The following SLC9A9 variants were observed in gnomAD, a reference collection of about 807,000 sequenced individuals.
SLC9A9 encodes solute carrier family 9 member A9, also known as sodium/hydrogen exchanger 9.
SLC9A9 carries 62 observed loss-of-function variants against 77.8 expected under a neutral mutation model. The ratio of observed to expected loss-of-function variants is 0.80; its 90% confidence interval spans 0.65 to 0.98. The LOEUF is 0.98. SLC9A9 is among the 50% of genes least tolerant of loss of function. The pLI is 0.00. For missense variants in SLC9A9, 775 were observed against 774.9 expected (o/e 1.00, Z 0.00); for synonymous variants, 320 against 283.5 (o/e 1.13, Z -1.29).
chr3:143,767,492 G>A (rs77532516), intron 4 of SLC9A9, among the ~76,000 whole-genome samples: 4 of 151,556 alleles, frequency 2.6e-5, no homozygotes, highest in Non-Finnish European at 4.4e-5. Flanking sequence ...CAAATGTCTT[G>A]TTAACCTCAA....
chr3:143,363,361 T>C (rs2032806075), intron 14 of SLC9A9, 123 bp downstream of exon 14: 1 of 872,584 alleles, frequency 1.1e-6, no homozygotes, highest in African/African-American at 1.7e-5. Flanking sequence ...TAAGTTTGGC[T>C]GTGAATTCAC....
chr3:143,552,168 T>A (rs2036899822), intron 9 of SLC9A9, among the ~76,000 whole-genome samples, 194 bp downstream of exon 9: 1 of 152,168 alleles, frequency 6.6e-6, no homozygotes, highest in South Asian at 2.1e-4. Flanking sequence ...TATAACTATA[T>A]TTTTGCTTAC....
chr3:143,268,858 G>A lies in SLC9A9; in HGVS notation c.1710+17C>T. The A allele has an allele frequency of 1.9e-6, 3 of 1,591,212 alleles. No homozygotes were observed. The highest frequency in any genetic ancestry group is 1.7e-4 in the Middle Eastern group (1 of 6,000). ...CAAGGGATATTCCCTCACCCTAGAG[G>A]CCTGAGATTTACTTACCCCATAGGC... On this transcript the variant is annotated intron_variant, in intron 15 of 15. Coordinates refer to ENST00000316549, the MANE Select transcript of SLC9A9 (RefSeq NM_173653.4).
chr3:143,629,365 T>C (rs948702591), intron 6 of SLC9A9, among the ~76,000 whole-genome samples: 1 of 152,204 alleles, frequency 6.6e-6, no homozygotes, highest in Non-Finnish European at 1.5e-5. Flanking sequence ...GTTTAAAATA[T>C]ATTAGGGAAT....
chr3:143,412,446 G>A (rs959651405), intron 12 of SLC9A9, among the ~76,000 whole-genome samples: 1 of 152,080 alleles, frequency 6.6e-6, no homozygotes, highest in Non-Finnish European at 1.5e-5. Context: ...TAATGCTTTT[G>A]AGCTATGCCC....
intron 7 of SLC9A9, among the ~76,000 whole-genome samples, chr3:143,578,235 G>A (rs908847065): frequency 3.3e-5 from 5 of 152,130 alleles, no homozygotes; most frequent in African/African-American, 1.2e-4. Context: ...TCTTGACCCT[G>A]GATCTTCAGT....
chr3:143,547,905 C>CT (rs1484237921), intron 9 of SLC9A9, among the ~76,000 whole-genome samples: 3 of 152,158 alleles, frequency 2.0e-5, no homozygotes, highest in East Asian at 1.9e-4. Flanking sequence ...ACTAGAAATT[C>CT]TTTTTTTGTT....
chr3:143,691,329 C>T (rs1933456746), intron 5 of SLC9A9, among the ~76,000 whole-genome samples: 1 of 152,052 alleles, frequency 6.6e-6, no homozygotes, highest in South Asian at 2.1e-4. Flanking sequence ...CTTGGCCTCC[C>T]ATAGGGTTGG....
intron 6 of SLC9A9, among the ~76,000 whole-genome samples, chr3:143,610,853 G>T (rs142389120): frequency 2.7e-4 from 41 of 152,258 alleles, no homozygotes; most frequent in African/African-American, 9.2e-4. Context: ...CTACAGTGAG[G>T]CTCACCAGTT....
chr3:143,606,440 A>ATG (rs1559990349), intron 6 of SLC9A9, among the ~76,000 whole-genome samples: 3 of 73,220 alleles, frequency 4.1e-5, no homozygotes, highest in Non-Finnish European at 8.2e-5. Flanking sequence ...CTCTCTCTAT[A>ATG]TATATATATA....
At chr3:143,328,209 T>A (rs2031659436) in intron 14 of SLC9A9, among the ~76,000 whole-genome samples, 1 of 152,220 alleles carries the variant, frequency 6.6e-6, no homozygotes, top group African/African-American at 2.4e-5. Context: ...GCTAATAATG[T>A]GTCAATATTG....
intron 14 of SLC9A9, among the ~76,000 whole-genome samples, chr3:143,282,370 C>T (rs77440652): frequency 1.7e-3 from 252 of 152,324 alleles, no homozygotes; most frequent in African/African-American, 5.6e-3. Flanking sequence ...AGACTTTTAT[C>T]TTTGCATGTT....
chr3:143,409,293 A>G (rs1292579964), intron 12 of SLC9A9, among the ~76,000 whole-genome samples: 1 of 152,204 alleles, frequency 6.6e-6, no homozygotes, highest in Non-Finnish European at 1.5e-5. Context: ...CATGGCTTGA[A>G]CATGAGACAA....
intron 5 of SLC9A9, among the ~76,000 whole-genome samples, chr3:143,680,650 G>A (rs906488616): frequency 4.0e-5 from 6 of 151,744 alleles, no homozygotes; most frequent in East Asian, 1.9e-4. Flanking sequence ...TCTTATACTC[G>A]GGCACCTCAC....
chr3:143,417,744 A>G (rs1274124352), intron 12 of SLC9A9, among the ~76,000 whole-genome samples: 1 of 152,058 alleles, frequency 6.6e-6, no homozygotes, highest in Non-Finnish European at 1.5e-5. Context: ...ACCGTAAGTA[A>G]TAAGTGTCTG....
intron 9 of SLC9A9, among the ~76,000 whole-genome samples, chr3:143,523,026 A>G (rs1208924727): frequency 2.6e-5 from 4 of 152,058 alleles, no homozygotes. Flanking sequence ...GCTTATTTTC[A>G]TATGGGGACT....
intron 14 of SLC9A9, among the ~76,000 whole-genome samples, chr3:143,269,451 ACT>A (rs1937837637): frequency 6.6e-6 from 1 of 152,238 alleles, no homozygotes; most frequent in Non-Finnish European, 1.5e-5. Flanking sequence ...CAAAATACTT[ACT>A]TTTTCACTAT....
At chr3:143,381,632 T>G (rs1199314184) in intron 13 of SLC9A9, among the ~76,000 whole-genome samples, 1 of 152,090 alleles carries the variant, frequency 6.6e-6, no homozygotes, top group African/African-American at 2.4e-5. Context: ...ACCTAGACAG[T>G]TTTTTGGGCC....
At chr3:143,402,267 A>G (rs2033878836) in intron 12 of SLC9A9, among the ~76,000 whole-genome samples, 1 of 152,208 alleles carries the variant, frequency 6.6e-6, no homozygotes, top group African/African-American at 2.4e-5. Flanking sequence ...AAATTTAAAA[A>G]TCCTTTGGCA....
Sources: gnomAD v4.1 joint callset for allele counts (sites outside exome capture counted in the v4.1 genomes callset) on GRCh38, gnomAD v4.1.1 for gene constraint, MANE v1.5 for transcripts, NCBI Gene and HGNC (gene_info 2026-07-23, HGNC 2026-07-21) for gene names.